VAV3: variants seen among roughly 807,000 people sequenced by gnomAD.
VAV3 encodes the protein guanine nucleotide exchange factor VAV3.
VAV3 carries 94 observed loss-of-function variants against 131.2 expected under a neutral mutation model. That is an observed-to-expected ratio of 0.72 (90% confidence interval 0.61 to 0.85). VAV3 has a LOEUF of 0.85. Among genes scored for constraint, VAV3 ranks in the 40% least tolerant of loss-of-function variants. The pLI, the probability that VAV3 is intolerant of heterozygous loss-of-function variation, is 0.00. For synonymous variants in VAV3, 349 were observed against 342.0 expected (o/e 1.02, Z -0.22); for missense variants, 939 against 1,002.7 (o/e 0.94, Z 0.86).
intron 23 of VAV3, among the ~76,000 whole-genome samples, chr1:107,602,759 C>T (rs971538373): frequency 6.6e-6 from 1 of 151,960 alleles, no homozygotes; most frequent in Non-Finnish European, 1.5e-5. Context: ...AAAAATAAGA[C>T]AAAAATCTAG....
rs536005809 is a variant in VAV3 at position 107,674,754 on chromosome 1, C to T, written c.1777+8734G>A. On this transcript the variant is annotated intron_variant, in intron 19 of 26. Transcript: ENST00000370056. The stretch of plus-strand genomic sequence containing the variant: ...TGGTACTGACATACTTAATCCCCTT[C>T]CCTGAATGTGGGTAGCCAAAAGAAT... Among the ~76,000 whole-genome samples, 8 of 152,306 alleles carry T rather than the reference C, an allele frequency of 5.3e-5. No individual in the cohort carries two copies. The South Asian group carries it at 1.5e-3, about 28-fold the overall frequency.
intron 9 of VAV3, among the ~76,000 whole-genome samples, chr1:107,763,589 T>G (rs560741724): frequency 6.6e-6 from 1 of 152,350 alleles, no homozygotes; most frequent in East Asian, 1.9e-4. Flanking sequence ...GGAGGCTCTA[T>G]TCTGCAAAGA....
intron 16 of VAV3, 111 bp downstream of exon 16, chr1:107,704,849 A>T (rs1055025423): frequency 3.3e-6 from 4 of 1,209,196 alleles, no homozygotes; most frequent in Non-Finnish European, 3.6e-6. Flanking sequence ...CCAGACTGCT[A>T]AGGCAAATTC....
intron 2 of VAV3, among the ~76,000 whole-genome samples, chr1:107,863,747 T>G (rs1336423435): frequency 6.6e-6 from 1 of 151,934 alleles, no homozygotes; most frequent in African/African-American, 2.4e-5. Flanking sequence ...GAAATAGAGT[T>G]TTTTTAAAAA....
chr1:107,732,086 A>G (rs1435675193), intron 15 of VAV3, among the ~76,000 whole-genome samples: 1 of 152,214 alleles, frequency 6.6e-6, no homozygotes, highest in Non-Finnish European at 1.5e-5. Context: ...GTCCATCAGC[A>G]TCACATGCAC....
chr1:107,779,617 T>C (rs1665572884), intron 2 of VAV3, 125 bp from the exon 3 acceptor site: 3 of 548,908 alleles, frequency 5.5e-6, no homozygotes, highest in Middle Eastern at 3.5e-4. Flanking sequence ...GTGTCAAAGA[T>C]GTGCAGAATG....
At chr1:107,921,038 C>T (rs1267841072) in intron 1 of VAV3, among the ~76,000 whole-genome samples, 2 of 152,206 alleles carry the variant, frequency 1.3e-5, no homozygotes, top group African/African-American at 4.8e-5. Flanking sequence ...CTCTCTACTG[C>T]AATTCACCTT....
chr1:107,796,491 A>G (rs994370343), intron 2 of VAV3, among the ~76,000 whole-genome samples: 1 of 152,160 alleles, frequency 6.6e-6, no homozygotes, highest in Non-Finnish European at 1.5e-5. Context: ...TTGATGATAG[A>G]TTATAGATTC....
intron 1 of VAV3, among the ~76,000 whole-genome samples, chr1:107,927,442 T>C (rs1673208753): frequency 6.6e-6 from 1 of 152,114 alleles, no homozygotes; most frequent in African/African-American, 2.4e-5. Context: ...GACTTTGTAT[T>C]GTACCTTAGG....
At chr1:107,587,725 G>A (rs1356778661) in intron 25 of VAV3, among the ~76,000 whole-genome samples, 3 of 152,060 alleles carry the variant, frequency 2.0e-5, no homozygotes, top group Admixed American at 6.5e-5. Context: ...CGAGTAGCTG[G>A]GATTACAGAT....
intron 20 of VAV3, among the ~76,000 whole-genome samples, chr1:107,619,625 C>T (rs1007941665): frequency 5.3e-5 from 8 of 152,128 alleles, no homozygotes; most frequent in Admixed American, 1.3e-4. Flanking sequence ...TTTGAGAGTA[C>T]ATAAAGGAAA....
At chr1:107,875,065 G>T in intron 1 of VAV3, 48 bp from the exon 2 acceptor site, 1 of 1,466,710 alleles carries the variant, frequency 6.8e-7, no homozygotes, top group Non-Finnish European at 9.6e-7. Context: ...TATTCTGAAT[G>T]CTATCCACCC....
chr1:107,862,322 A>C (rs1435346698), intron 2 of VAV3, among the ~76,000 whole-genome samples: 4 of 151,466 alleles, frequency 2.6e-5, no homozygotes, highest in Non-Finnish European at 4.4e-5. Flanking sequence ...GAGAGCATTC[A>C]GCCAGTTCCA....
At chr1:107,823,694 C>T (rs1667895629) in intron 2 of VAV3, among the ~76,000 whole-genome samples, 2 of 152,120 alleles carry the variant, frequency 1.3e-5, no homozygotes, top group African/African-American at 4.8e-5. Context: ...AACCCCAGTA[C>T]CATTGTATTT....
chr1:107,711,407 A>C (rs918796503), intron 15 of VAV3, among the ~76,000 whole-genome samples: 14 of 152,202 alleles, frequency 9.2e-5, no homozygotes, highest in African/African-American at 3.4e-4. Flanking sequence ...GGAAGTATAA[A>C]TCACATTTTT....
At chr1:107,609,529 C>A (rs6693467) in intron 22 of VAV3, 27,288 of 151,308 alleles carry the variant, frequency 0.18, 2,575 homozygotes, top group East Asian at 0.35. Context: ...AGCAAGACCC[C>A]ATCTCTAAAA....
At chr1:107,818,043 G>A (rs1467218469) in intron 2 of VAV3, among the ~76,000 whole-genome samples, 1 of 152,150 alleles carries the variant, frequency 6.6e-6, no homozygotes, top group African/African-American at 2.4e-5. Flanking sequence ...TCATTAAATG[G>A]CACATGGGGA....
chr1:107,677,836 A>G (rs981275520), intron 19 of VAV3: 1 of 152,154 alleles, frequency 6.6e-6, no homozygotes, highest in Non-Finnish European at 1.5e-5. Flanking sequence ...CTGATTCTGA[A>G]GGTGCCTGAC....
chr1:107,749,897 G>T (rs1027097152), intron 13 of VAV3, among the ~76,000 whole-genome samples: 5 of 152,112 alleles, frequency 3.3e-5, no homozygotes, highest in African/African-American at 1.2e-4. Flanking sequence ...CATAAAGTTT[G>T]TTCATGAGCA....
Sources: gnomAD v4.1 joint callset for allele counts (sites outside exome capture counted in the v4.1 genomes callset) on GRCh38, gnomAD v4.1.1 for gene constraint, MANE v1.5 for transcripts, NCBI Gene and HGNC (gene_info 2026-07-23, HGNC 2026-07-21) for gene names.